Variants in EYS observed in about 807,000 individuals in gnomAD.
EYS encodes the protein protein eyes shut homolog.
A neutral mutation model predicts 282.1 loss-of-function variants in EYS; 250 were observed. That is an observed-to-expected ratio of 0.89 (90% CI 0.80 to 0.98). EYS has a LOEUF of 0.98. EYS is among the 50% of genes least tolerant of loss of function. EYS has a pLI of 0.00. For synonymous variants in EYS, 1,355 were observed against 1,282.9 expected, an observed-to-expected ratio of 1.06 and a Z score of -1.20; for missense variants, 4,016 against 3,709.0, an observed-to-expected ratio of 1.08 and a Z score of -2.15.
intron 36 of EYS, among the ~76,000 whole-genome samples, chr6:63,845,689 T>TA (rs1321289499): frequency 6.6e-6 from 1 of 151,786 alleles, no homozygotes; most frequent in African/African-American, 2.4e-5. Flanking sequence ...GACTTTTTTT[T>TA]ATCAAGTTAT....
intron 35 of EYS, among the ~76,000 whole-genome samples, chr6:63,875,802 G>T (rs1562072935): frequency 6.6e-6 from 1 of 152,172 alleles, no homozygotes; most frequent in Non-Finnish European, 1.5e-5. Flanking sequence ...GTATTTCCAT[G>T]GGATCGGTGG....
chr6:64,283,784 G>A (rs965311986), intron 30 of EYS, among the ~76,000 whole-genome samples: 1 of 152,060 alleles, frequency 6.6e-6, no homozygotes, highest in Non-Finnish European at 1.5e-5. Flanking sequence ...GAAGTGAAAG[G>A]CACTTCTTAC....
At chr6:63,990,098 A>G (rs951679573) in intron 34 of EYS, among the ~76,000 whole-genome samples, 1 of 151,684 alleles carries the variant, frequency 6.6e-6, no homozygotes, top group Admixed American at 6.6e-5. Context: ...AGGGAAGTGT[A>G]AATAAAAAAG....
chr6:64,611,461 T>C (rs1767114738), intron 24 of EYS, among the ~76,000 whole-genome samples: 1 of 152,190 alleles, frequency 6.6e-6, no homozygotes, highest in African/African-American at 2.4e-5. Context: ...TGCTTTTATT[T>C]CCCTCATCAT....
chr6:65,350,769 G>A (rs1770568811), intron 9 of EYS, among the ~76,000 whole-genome samples: 1 of 151,684 alleles, frequency 6.6e-6, no homozygotes, highest in African/African-American at 2.4e-5. Context: ...TTCTCAAGAT[G>A]TGCACTGTCG....
rs533293968 is a variant in EYS, at chr6:63,831,605, CATA to C, written c.7229-25236_7229-25234del. 2.0e-4 allele frequency among the ~76,000 whole-genome samples: 31 copies of C among 152,288 alleles called. 1 individual carries two copies. Among genetic ancestry groups the C allele is most frequent in the Admixed American group, 5.9e-4 (9 of 15,298 alleles). On this transcript the variant is annotated intron_variant, in intron 36 of 42. Transcript: ENST00000503581. Reference sequence around the variant, plus strand: ...ACCTACAAAGAGACGTAGACTCCCACATAATAATAATGGGAGATTTTAACACCC... The same window carrying C: ...ACCTACAAAGAGACGTAGACTCCCACATAATAATGGGAGATTTTAACACCC...
In EYS at chr6:63,912,867, TG is replaced by T. The variant is rs1211817036; in HGVS notation, c.7056-48510del. ...GAGGCCTCCCCAGAAGCAGAAGCCA[TG>T]ATGCTTCCTGTGTAGCCCTCAGAAC... is the stretch of plus-strand genomic sequence containing the variant. On this transcript the variant is annotated intron_variant, in intron 35 of 42. Coordinates refer to ENST00000503581, the MANE Select transcript of EYS (RefSeq NM_001142800.2). Among the ~76,000 whole-genome samples the T allele has an allele frequency of 2.0e-5, 3 of 147,780 alleles. No individual in the cohort carries two copies. In the East Asian group the frequency reaches 6.2e-4, roughly 31 times the overall value.
chr6:65,671,942 C>A (rs947682962), intron 1 of EYS, among the ~76,000 whole-genome samples: 14 of 152,062 alleles, frequency 9.2e-5, no homozygotes, highest in Admixed American at 6.6e-4. Flanking sequence ...GATAAGAAAC[C>A]AGTGGAAACA....
rs755842886 is a variant in EYS at position 64,085,331 on chromosome 6, CGT to C, written c.6425-3331_6425-3330del. ...CCTTCCAGACGCGCGCGCGTGCGCA[CGT>C]GCGCGCGCACACACACACACACACA... On this transcript the variant is annotated intron_variant, in intron 31 of 42. Coordinates refer to ENST00000503581, the MANE Select transcript of EYS (RefSeq NM_001142800.2). Among the ~76,000 whole-genome samples, 14 of 123,650 alleles carry C rather than the reference CGT, an allele frequency of 1.1e-4. No homozygotes were observed. In the South Asian group the frequency reaches 1.3e-3, roughly 11 times the overall value. The allele number at this position is 123,650 out of a possible 152,430, so 81.1% of individuals were successfully genotyped here.
intron 12 of EYS, among the ~76,000 whole-genome samples, chr6:65,112,800 C>G (rs1430505712): frequency 6.6e-6 from 1 of 152,078 alleles, no homozygotes; most frequent in South Asian, 2.1e-4. Context: ...AATGAAGCAG[C>G]TATTTCTCTA....
At chr6:64,189,264 G>C (rs1281847976) in intron 31 of EYS, among the ~76,000 whole-genome samples, 1 of 152,236 alleles carries the variant, frequency 6.6e-6, no homozygotes, top group Non-Finnish European at 1.5e-5. Context: ...GCAGGAGTGA[G>C]CAAACAATGG....
chr6:63,915,565 T>G (rs1280513976), intron 35 of EYS, among the ~76,000 whole-genome samples: 2 of 152,230 alleles, frequency 1.3e-5, no homozygotes, highest in Non-Finnish European at 1.5e-5. Flanking sequence ...TGTAAGGCTA[T>G]AGCTGCCATA....
At chr6:64,959,543 CA>C (rs1769843412) in intron 14 of EYS, among the ~76,000 whole-genome samples, 1 of 152,108 alleles carries the variant, frequency 6.6e-6, no homozygotes, top group Admixed American at 6.5e-5. Context: ...ATGCCCTAGG[CA>C]GATGTCAGGG....
intron 36 of EYS, among the ~76,000 whole-genome samples, chr6:63,818,546 C>T (rs1771240415): frequency 6.6e-6 from 1 of 152,124 alleles, no homozygotes; most frequent in African/African-American, 2.4e-5. Context: ...CCTATCTTGT[C>T]CTATCCTGTA....
At chr6:64,960,507 G>A (rs1035435903) in intron 14 of EYS, among the ~76,000 whole-genome samples, 2 of 151,754 alleles carry the variant, frequency 1.3e-5, no homozygotes, top group Non-Finnish European at 2.9e-5. Flanking sequence ...TTATTTATAG[G>A]TTTTCCTTTT....
At chr6:65,436,159 A>G (rs1430467411) in intron 5 of EYS, among the ~76,000 whole-genome samples, 1 of 152,178 alleles carries the variant, frequency 6.6e-6, no homozygotes, top group East Asian at 1.9e-4. Context: ...CCATATTAGC[A>G]GATGGAATGA....
chr6:65,119,630 C>CTTTTTTTTTTTTTTT (rs3036008), intron 12 of EYS, among the ~76,000 whole-genome samples: 6 of 135,334 alleles, frequency 4.4e-5, no homozygotes, highest in African/African-American at 5.6e-5. Flanking sequence ...GCCTTTTTAT[C>CTTTTTTTTTTTTTTT]TTTTTTTTTT....
At chr6:64,700,114 C>T (rs992110915) in intron 22 of EYS, among the ~76,000 whole-genome samples, 9 of 151,874 alleles carry the variant, frequency 5.9e-5, no homozygotes, top group East Asian at 5.8e-4. Flanking sequence ...CCCACATAAA[C>T]GGAATTAAAA....
At chr6:65,187,598 A>T (rs997279062) in intron 12 of EYS, among the ~76,000 whole-genome samples, 1 of 151,662 alleles carries the variant, frequency 6.6e-6, no homozygotes. Context: ...TGTGTTTGCT[A>T]TGTATTTTAT....
Sources: allele counts gnomAD v4.1 joint callset (sites outside exome capture counted in the v4.1 genomes callset), GRCh38; gene constraint gnomAD v4.1.1; transcripts MANE v1.5; gene names NCBI Gene and HGNC (gene_info 2026-07-23, HGNC 2026-07-21).